The following DMXL1 variants were observed in gnomAD, a reference collection of about 807,000 sequenced individuals.
DMXL1 encodes the protein dmX-like protein 1.
In DMXL1, 99 loss-of-function variants were observed where a neutral mutation model predicts 319.2. The ratio of observed to expected loss-of-function variants is 0.31; its 90% CI spans 0.26 to 0.37. The LOEUF is 0.37. Ranked by LOEUF, DMXL1 falls within the 10% of genes least tolerant of loss-of-function variation. The pLI, the probability that DMXL1 is intolerant of heterozygous loss-of-function variation, is 1.00. For missense variants in DMXL1, 3,745 were observed against 3,595.6 expected (o/e 1.04, Z -1.06); for synonymous variants, 1,385 against 1,235.2 (o/e 1.12, Z -2.54).
chr5:119,150,235 G>A lies in DMXL1; in HGVS notation c.4408G>A (p.Val1470Ile), dbSNP rs1394628489. Residue 1470 changes from valine (V) to isoleucine (I), a missense_variant, in exon 18 of 44, where the codon GTT becomes ATT. Coordinates refer to ENST00000539542, the MANE Select transcript of DMXL1 (RefSeq NM_001290321.3). The part of the protein sequence containing the change: ...ETDEENTKPR[V>I]IDLSQYSPTY... ...AGATGAAGAAAATACAAAGCCTAGA[G>A]TTATTGACCTTTCACAGTACAGTCC... The A allele has an allele frequency of 2.5e-6, 4 of 1,613,684 alleles. No individual in the cohort carries two copies. Among genetic ancestry groups the A allele is most frequent in the Middle Eastern group, 1.6e-4 (1 of 6,080 alleles).
chr5:119,086,221 C>A (rs1217291693), intron 1 of DMXL1, among the ~76,000 whole-genome samples: 1 of 152,166 alleles, frequency 6.6e-6, no homozygotes, highest in African/African-American at 2.4e-5. Flanking sequence ...GACTTATTCA[C>A]TACCGTGAAA....
chr5:119,092,615 A>G (rs536612134), intron 1 of DMXL1, among the ~76,000 whole-genome samples: 2 of 152,310 alleles, frequency 1.3e-5, no homozygotes, highest in African/African-American at 4.8e-5. Context: ...CTCACCCCCA[A>G]GAGAAATCCC....
In DMXL1 at chr5:119,149,588, C is replaced by T. The variant is rs533249807; in HGVS notation, c.3761C>T (p.Ser1254Leu). 23 of 1,613,926 alleles carry T rather than the reference C, an allele frequency of 1.4e-5. No homozygotes were observed. In the South Asian group the frequency reaches 2.1e-4, roughly 15 times the overall value. Reference protein sequence around the residue: ...SSKQEPVITDSYSGSTPSITS... With the variant: ...SSKQEPVITDLYSGSTPSITS... ...AAACAAGAACCTGTTATAACAGATTCGTACAGTGGGAGCACTCCATCTATA... is the reference window on the plus strand; with the variant it reads ...AAACAAGAACCTGTTATAACAGATTTGTACAGTGGGAGCACTCCATCTATA... The change falls in exon 18 of 44, where the codon TCG (serine) becomes TTG (leucine). Residue 1254 changes from serine to leucine, a missense_variant. By Grantham distance (145) the Ser-to-Leu change is moderately radical. This residue lies in a region of DMXL1 where 2,096 missense variants were observed against 1,985.4 expected (regional missense o/e 1.06). Coordinates refer to ENST00000539542, the MANE Select transcript of DMXL1 (RefSeq NM_001290321.3).
intron 20 of DMXL1, 76 bp from the exon 21 acceptor site, chr5:119,165,107 C>T (rs764157885): frequency 3.0e-5 from 25 of 840,618 alleles, no homozygotes; most frequent in Non-Finnish European, 4.5e-5. Flanking sequence ...TGGATATGTG[C>T]CAGCCTTTCA....
chr5:119,186,531 A>G (rs1661108630), intron 28 of DMXL1, among the ~76,000 whole-genome samples: 1 of 152,220 alleles, frequency 6.6e-6, no homozygotes. Context: ...CATTCAGAAT[A>G]TTAATTTCAT....
chr5:119,235,689 C>T (rs1787617787), intron 39 of DMXL1, among the ~76,000 whole-genome samples: 1 of 152,014 alleles, frequency 6.6e-6, no homozygotes, highest in African/African-American at 2.4e-5. Flanking sequence ...AGAGAGAATC[C>T]TATAAGGTTC....
chr5:119,074,615 G>T (rs950035754), intron 1 of DMXL1, among the ~76,000 whole-genome samples: 1 of 152,198 alleles, frequency 6.6e-6, no homozygotes, highest in East Asian at 1.9e-4. Context: ...GTCTATTTAA[G>T]TATTAGATAC....
intron 5 of DMXL1, among the ~76,000 whole-genome samples, chr5:119,110,582 C>T (rs1561604073): frequency 6.6e-6 from 1 of 152,170 alleles, no homozygotes; most frequent in East Asian, 1.9e-4. Context: ...GAATGGAAGA[C>T]TTCCTATTCT....
intron 4 of DMXL1, among the ~76,000 whole-genome samples, chr5:119,105,780 C>A (rs951187097): frequency 6.6e-6 from 1 of 151,804 alleles, no homozygotes; most frequent in Non-Finnish European, 1.5e-5. Context: ...GCCTGTAATC[C>A]CAGCTACTTG....
Position 119,118,914 on chromosome 5 carries a change from T to A in DMXL1, c.843T>A (p.Gly281=). The change falls in exon 8 of 44, where the codon GGT becomes GGA. Residue 281 remains glycine (G), a synonymous_variant. Transcript: ENST00000539542. ...FLPNDCLLYG[G]DCSHWTESIN... is the part of the protein sequence containing the mutation. ...CAAATGATTGTTTGCTATACGGAGG[T>A]GACTGCAGCCATTGGACTGAATCAA... 1 of 1,613,850 alleles carries A rather than the reference T, an allele frequency of 6.2e-7. No individual in the cohort carries two copies. Among genetic ancestry groups the A allele is most frequent in the Non-Finnish European group, 8.5e-7 (1 of 1,179,858 alleles).
At chr5:119,123,022 C>G (rs945537605) in intron 9 of DMXL1, among the ~76,000 whole-genome samples, 2 of 152,156 alleles carry the variant, frequency 1.3e-5, no homozygotes, top group African/African-American at 4.8e-5. Flanking sequence ...CCATTGAGCA[C>G]TGAGTGAACA....
At chr5:119,152,954 T>A (rs926375441) in intron 19 of DMXL1, among the ~76,000 whole-genome samples, 1 of 152,110 alleles carries the variant, frequency 6.6e-6, no homozygotes, top group Non-Finnish European at 1.5e-5. Context: ...AAGTTGAAAA[T>A]TCTAAATCAA....
chr5:119,194,494 G>C (rs933597893), intron 30 of DMXL1, among the ~76,000 whole-genome samples: 1 of 151,676 alleles, frequency 6.6e-6, no homozygotes, highest in African/African-American at 2.4e-5. Context: ...ATATTATCTA[G>C]TCTCTATTGA....
rs1401465096 is a variant in DMXL1 at position 119,082,018 on chromosome 5, T to TACAC, written c.87+10363_87+10364insCACA. Among the ~76,000 whole-genome samples, 221 of 71,392 alleles carry TACAC rather than the reference T, an allele frequency of 3.1e-3. 1 individual carries two copies. The highest frequency in any genetic ancestry group is 7.2e-3 in the South Asian group (13 of 1,804). 46.8% of individuals were successfully genotyped at this position (71,392 alleles called of 152,430 possible). On this transcript the variant is annotated intron_variant, in intron 1 of 43. Coordinates refer to ENST00000539542, the MANE Select transcript of DMXL1 (RefSeq NM_001290321.3). ...AAGGTTATATATATATATATATATA[T>TACAC]ATACACACACACACACACACACACA...
intron 31 of DMXL1, among the ~76,000 whole-genome samples, chr5:119,197,401 C>T (rs1779831400): frequency 6.6e-6 from 1 of 152,200 alleles, no homozygotes; most frequent in African/African-American, 2.4e-5. Context: ...TCAAAGCTGT[C>T]TGGGCCGCAT....
chr5:119,081,021 T>G (rs958733615), intron 1 of DMXL1, among the ~76,000 whole-genome samples: 8 of 152,222 alleles, frequency 5.3e-5, no homozygotes, highest in Non-Finnish European at 1.0e-4. Context: ...TAGCCTATCT[T>G]ATAATTCCTT....
chr5:119,087,114 C>A lies in DMXL1; in HGVS notation c.88-10865C>A, dbSNP rs147880728. Among the ~76,000 whole-genome samples the A allele has an allele frequency of 9.3e-3, 1,412 of 151,426 alleles. 19 individuals are homozygous for A. Among genetic ancestry groups the A allele is most frequent in the South Asian group, 0.027 (130 of 4,802 alleles). ...CAAGCCACAGTTTTGTTGATTGTAACTTTTCATTAAAAAGTTTCATTTCAT... is the reference window on the plus strand; with the variant it reads ...CAAGCCACAGTTTTGTTGATTGTAAATTTTCATTAAAAAGTTTCATTTCAT... On this transcript the variant is annotated intron_variant, in intron 1 of 43. Transcript: ENST00000539542.
chr5:119,228,301 G>T (rs1036544884), intron 38 of DMXL1, among the ~76,000 whole-genome samples: 1 of 152,164 alleles, frequency 6.6e-6, no homozygotes, highest in Non-Finnish European at 1.5e-5. Context: ...GACACTTTCA[G>T]TGAAGATCAG....
intron 21 of DMXL1, 124 bp from the exon 22 acceptor site, chr5:119,166,492 T>A: frequency 1.4e-6 from 1 of 729,542 alleles, no homozygotes; most frequent in Non-Finnish European, 2.2e-6. Flanking sequence ...AGCAGATACA[T>A]AGTAAGTTAT....
Sources: gnomAD v4.1 joint callset for allele counts (sites outside exome capture counted in the v4.1 genomes callset) on GRCh38, gnomAD v4.1.1 for gene constraint, gnomAD v4.1.1 regional missense constraint, MANE v1.5 for transcripts, NCBI Gene and HGNC (gene_info 2026-07-23, HGNC 2026-07-21) for gene names.